CNNM1: variants seen among roughly 807,000 people sequenced by gnomAD.
CNNM1 encodes metal transporter CNNM1.
A neutral mutation model predicts 78.8 loss-of-function variants in CNNM1; 44 were observed. The ratio of observed to expected loss-of-function variants is 0.56; its 90% CI spans 0.44 to 0.72. CNNM1 has a LOEUF of 0.72. CNNM1 is among the 30% of genes least tolerant of loss of function. The probability of loss-of-function intolerance (pLI) is 0.00; values close to 1 mark genes in which losing one functional copy is unlikely to be tolerated. For synonymous variants in CNNM1, 584 were observed against 581.5 expected (o/e 1.00, Z -0.06); for missense variants, 1,101 against 1,292.2 (o/e 0.85, Z 2.27).
At chr10:99,357,750 G>A in intron 2 of CNNM1, 95 bp downstream of exon 2, 1 of 1,286,198 alleles carries the variant, frequency 7.8e-7, no homozygotes, top group Non-Finnish European at 1.0e-6. Context: ...AGGGTGTCAG[G>A]GCAAACCCTG....
At chr10:99,341,973 T>C (rs958786972) in intron 1 of CNNM1, among the ~76,000 whole-genome samples, 4 of 152,228 alleles carry the variant, frequency 2.6e-5, no homozygotes, top group African/African-American at 9.7e-5. Context: ...CTGTATTCCC[T>C]ATTTTTTACA....
chr10:99,381,951 G>A (rs1406622829), intron 7 of CNNM1, among the ~76,000 whole-genome samples: 7 of 151,728 alleles, frequency 4.6e-5, no homozygotes, highest in Admixed American at 2.0e-4. Flanking sequence ...TGTTAGGGAC[G>A]TTATTTAGGC....
chr10:99,389,433 A>G (rs934459854), intron 9 of CNNM1, among the ~76,000 whole-genome samples: 127 of 152,004 alleles, frequency 8.4e-4, no homozygotes, highest in Non-Finnish European at 1.5e-3. Context: ...AAAAAAAAAA[A>G]AAAAAATTTA....
intron 1 of CNNM1, among the ~76,000 whole-genome samples, chr10:99,356,592 G>GA (rs753924928): frequency 8.1e-6 from 1 of 124,216 alleles, no homozygotes; most frequent in African/African-American, 3.4e-5. Context: ...AAGAAAGAAA[G>GA]AAAGAAAGAA....
intron 1 of CNNM1, among the ~76,000 whole-genome samples, chr10:99,341,210 C>G (rs901617061): frequency 1.3e-5 from 2 of 152,074 alleles, no homozygotes; most frequent in Non-Finnish European, 2.9e-5. Context: ...GAGACAGGAA[C>G]AGACATGCAA....
At chr10:99,377,793 T>C (rs1036883702) in intron 7 of CNNM1, among the ~76,000 whole-genome samples, 2 of 152,184 alleles carry the variant, frequency 1.3e-5, no homozygotes, top group Non-Finnish European at 2.9e-5. Context: ...TGAAAATTAC[T>C]AAGCTATTTG....
chr10:99,361,081 G>A, intron 3 of CNNM1, 106 bp downstream of exon 3: 1 of 1,235,804 alleles, frequency 8.1e-7, no homozygotes, highest in Non-Finnish European at 1.1e-6. Flanking sequence ...TGTGCTGTCA[G>A]GACTGAGAAG....
At chr10:99,349,198 G>A (rs943730229) in intron 1 of CNNM1, among the ~76,000 whole-genome samples, 6 of 152,196 alleles carry the variant, frequency 3.9e-5, no homozygotes, top group African/African-American at 1.4e-4. Flanking sequence ...GAAGATCAAA[G>A]ACAGGAGCAG....
rs909976924 is a variant in CNNM1 at position 99,394,252 on chromosome 10, G to T, written c.*2736G>T. ...GGTTAAAAAAAAAGTTTAAAAAAAA[G>T]ATTTTAAAATAAAGCATTTATGAAG... On this transcript the variant is annotated 3_prime_UTR_variant, in exon 11 of 11. Transcript: ENST00000356713. The T allele has an allele frequency of 2.0e-5, 3 of 152,168 alleles. No individual in the cohort carries two copies. Among genetic ancestry groups the T allele is most frequent in the Non-Finnish European group, 4.4e-5 (3 of 67,998 alleles). The allele number at this position is 152,168 out of a possible 1,614,324, so 9.4% of individuals were successfully genotyped here. A position where few individuals can be genotyped will look rare whatever the true frequency, so the allele number is the denominator to read the frequency against.
intron 9 of CNNM1, among the ~76,000 whole-genome samples, chr10:99,389,555 A>G (rs1372221145): frequency 6.6e-6 from 1 of 152,144 alleles, no homozygotes; most frequent in Non-Finnish European, 1.5e-5. Flanking sequence ...TCTGCCCCCA[A>G]CACCAAATCT....
intron 1 of CNNM1, among the ~76,000 whole-genome samples, chr10:99,338,912 G>A (rs1250364373): frequency 2.6e-5 from 4 of 152,104 alleles, no homozygotes; most frequent in African/African-American, 9.7e-5. Flanking sequence ...GCTATAATTT[G>A]GGAAGACTAA....
At chr10:99,338,089 C>T (rs1248540213) in intron 1 of CNNM1, among the ~76,000 whole-genome samples, 1 of 152,128 alleles carries the variant, frequency 6.6e-6, no homozygotes, top group Non-Finnish European at 1.5e-5. Context: ...ATAGCACTTC[C>T]CTTTGCAAAG....
chr10:99,348,444 T>C (rs1213907095), intron 1 of CNNM1, among the ~76,000 whole-genome samples: 1 of 152,246 alleles, frequency 6.6e-6, no homozygotes, highest in Admixed American at 6.5e-5. Flanking sequence ...TGCATTGTGC[T>C]CATTGCTGCA....
chr10:99,370,836 G>C (rs1171187357), intron 6 of CNNM1, among the ~76,000 whole-genome samples: 1 of 152,196 alleles, frequency 6.6e-6, no homozygotes, highest in Non-Finnish European at 1.5e-5. Context: ...TATATGGGAG[G>C]AAAATAAATC....
intron 6 of CNNM1, among the ~76,000 whole-genome samples, chr10:99,372,639 C>T (rs529081982): frequency 3.3e-5 from 5 of 152,292 alleles, no homozygotes; most frequent in Non-Finnish European, 7.4e-5. Flanking sequence ...TGCTAAGACA[C>T]TCGTCTGTTA....
chr10:99,391,264 A>G (rs1007724465), intron 10 of CNNM1, among the ~76,000 whole-genome samples, 173 bp from the exon 11 acceptor site: 7 of 152,248 alleles, frequency 4.6e-5, no homozygotes, highest in African/African-American at 1.7e-4. Context: ...TAATCTTTCA[A>G]GATGTAAATA....
chr10:99,351,852 A>G (rs527506472), intron 1 of CNNM1, among the ~76,000 whole-genome samples: 167 of 152,328 alleles, frequency 1.1e-3, no homozygotes, highest in Non-Finnish European at 1.9e-3. Flanking sequence ...TTTACGAAGC[A>G]GTCCCTACTT....
At chr10:99,346,547 C>A (rs2030703630) in intron 1 of CNNM1, among the ~76,000 whole-genome samples, 1 of 152,174 alleles carries the variant, frequency 6.6e-6, no homozygotes, top group Non-Finnish European at 1.5e-5. Flanking sequence ...TACTCTCATT[C>A]CCTCGATTAT....
At chr10:99,353,070 A>G (rs2031004440) in intron 1 of CNNM1, among the ~76,000 whole-genome samples, 1 of 152,010 alleles carries the variant, frequency 6.6e-6, no homozygotes, top group African/African-American at 2.4e-5. Context: ...ACCAGCTACT[A>G]TTTGTTGACT....
Sources: allele counts gnomAD v4.1 joint callset (sites outside exome capture counted in the v4.1 genomes callset), GRCh38; gene constraint gnomAD v4.1.1; transcripts MANE v1.5; gene names NCBI Gene and HGNC (gene_info 2026-07-23, HGNC 2026-07-21).